The following CDK14 variants were observed in gnomAD, a reference collection of about 807,000 sequenced individuals.
CDK14 encodes the protein cyclin dependent kinase 14.
Under a neutral mutation model 60.7 loss-of-function variants are expected in CDK14, and 34 were observed. The observed-to-expected ratio is 0.56, with a 90% CI of 0.43 to 0.75. CDK14 has a LOEUF of 0.75. CDK14 is among the 30% of genes least tolerant of loss of function. The probability of loss-of-function intolerance (pLI) is 0.00; values close to 1 mark genes in which losing one functional copy is unlikely to be tolerated. For synonymous variants in CDK14, 197 were observed against 203.7 expected, an observed-to-expected ratio of 0.97 and a Z score of 0.28; for missense variants, 482 against 564.1, an observed-to-expected ratio of 0.85 and a Z score of 1.47.
intron 5 of CDK14, among the ~76,000 whole-genome samples, chr7:90,792,402 A>G (rs1469294298): frequency 6.6e-6 from 1 of 152,146 alleles, no homozygotes; most frequent in Non-Finnish European, 1.5e-5. Context: ...CTACATCACT[A>G]CCAACTGAGA....
intron 12 of CDK14, among the ~76,000 whole-genome samples, chr7:91,080,337 C>T (rs1042445785): frequency 6.6e-6 from 1 of 152,196 alleles, no homozygotes; most frequent in African/African-American, 2.4e-5. Flanking sequence ...TCCGTGCTCT[C>T]AGTGGATACA....
chr7:90,659,849 C>G (rs1230054775), intron 2 of CDK14, among the ~76,000 whole-genome samples: 1 of 145,010 alleles, frequency 6.9e-6, no homozygotes, highest in Non-Finnish European at 1.5e-5. Flanking sequence ...CTCTCTCTCT[C>G]TCTCTCTCTC....
At chr7:90,757,158 G>GCTTGC (rs1804096514) in intron 4 of CDK14, among the ~76,000 whole-genome samples, 2 of 150,876 alleles carry the variant, frequency 1.3e-5, no homozygotes, top group African/African-American at 2.4e-5. Flanking sequence ...GGCATTCCTG[G>GCTTGC]CTTGCAGGTG....
At position 91,183,185 on chromosome 7, in the gene CDK14, A is replaced by G. The variant is rs1802058776; in HGVS notation, c.*29-23980A>G. Among the ~76,000 whole-genome samples, 4 of 152,236 alleles carry G rather than the reference A, an allele frequency of 2.6e-5. No homozygotes were observed. In the South Asian group the frequency reaches 8.3e-4, roughly 31 times the overall value. On this transcript the variant is annotated intron_variant, in intron 14 of 14. Transcript: ENST00000380050. Reference sequence around the variant, plus strand: ...GTAATTTTGTTTTTGTTGGCTGAAAACTAAACCCAGGCTGGGGTGGTGCAC... The same window carrying G: ...GTAATTTTGTTTTTGTTGGCTGAAAGCTAAACCCAGGCTGGGGTGGTGCAC...
At chr7:90,779,240 G>A (rs947256499) in intron 4 of CDK14, among the ~76,000 whole-genome samples, 8 of 152,062 alleles carry the variant, frequency 5.3e-5, no homozygotes, top group African/African-American at 1.7e-4. Flanking sequence ...GCAACAGGGT[G>A]AGACTCCGTC....
chr7:90,788,155 G>A (rs767350863), intron 4 of CDK14, among the ~76,000 whole-genome samples: 2 of 152,144 alleles, frequency 1.3e-5, no homozygotes, highest in African/African-American at 4.8e-5. Flanking sequence ...GAAAAAGGTT[G>A]TGTGTGTGTT....
At chr7:90,669,731 T>G (rs1001395479) in intron 2 of CDK14, among the ~76,000 whole-genome samples, 2 of 152,142 alleles carry the variant, frequency 1.3e-5, no homozygotes, top group Non-Finnish European at 2.9e-5. Flanking sequence ...CTGAAATAGT[T>G]GTGACTGTTA....
chr7:91,056,806 CATT>C (rs983262390), intron 11 of CDK14, among the ~76,000 whole-genome samples: 18 of 152,296 alleles, frequency 1.2e-4, no homozygotes, highest in African/African-American at 4.1e-4. Flanking sequence ...TCCAGTCTAT[CATT>C]GTTGGACATT....
chr7:90,713,626 A>G (rs956937350), intron 2 of CDK14, among the ~76,000 whole-genome samples: 1 of 139,290 alleles, frequency 7.2e-6, no homozygotes, highest in African/African-American at 2.8e-5. Context: ...CTTTGGAAGT[A>G]CTTTTTTTTT....
intron 10 of CDK14, among the ~76,000 whole-genome samples, chr7:90,991,448 G>C (rs1018410787): frequency 1.3e-5 from 2 of 152,148 alleles, no homozygotes; most frequent in Admixed American, 6.6e-5. Context: ...AATCAGTACA[G>C]TGACACAAAT....
At chr7:91,059,283 A>T (rs1299031167) in intron 11 of CDK14, among the ~76,000 whole-genome samples, 1 of 150,936 alleles carries the variant, frequency 6.6e-6, no homozygotes, top group Non-Finnish European at 1.5e-5. Context: ...CATCTATTTG[A>T]TTCTTCTCTC....
At chr7:91,013,021 A>G (rs1042283687) in intron 10 of CDK14, among the ~76,000 whole-genome samples, 1 of 152,254 alleles carries the variant, frequency 6.6e-6, no homozygotes, top group Non-Finnish European at 1.5e-5. Flanking sequence ...ACCTTCTTCC[A>G]GCACTGCTGA....
chr7:91,100,697 T>C (rs1799126729), intron 12 of CDK14, among the ~76,000 whole-genome samples: 1 of 152,162 alleles, frequency 6.6e-6, no homozygotes, highest in Non-Finnish European at 1.5e-5. Flanking sequence ...TTTGAAGACA[T>C]CTCTTTTTCC....
Position 91,093,726 on chromosome 7 carries a change from C to T in CDK14, c.1154+14246C>T, listed in dbSNP as rs182951971. ...ATTACCAAAATGGCATATGCACTCA[C>T]ATGTTCATCGTAGCACTGTTCACAA... On this transcript the variant is annotated intron_variant, in intron 12 of 14. Coordinates refer to ENST00000380050, the MANE Select transcript of CDK14 (RefSeq NM_001287135.2). 4.3e-3 allele frequency among the ~76,000 whole-genome samples: 650 copies of T among 152,236 alleles called. 4 individuals are homozygous for T. The highest frequency in any genetic ancestry group is 0.015 in the African/African-American group (625 of 41,536).
chr7:91,190,861 T>C (rs1802340241), intron 14 of CDK14, among the ~76,000 whole-genome samples: 1 of 152,032 alleles, frequency 6.6e-6, no homozygotes, highest in Non-Finnish European at 1.5e-5. Context: ...GGGACACAAA[T>C]GGGAGACTTG....
At chr7:91,000,766 T>A (rs1795814634) in intron 10 of CDK14, among the ~76,000 whole-genome samples, 1 of 152,232 alleles carries the variant, frequency 6.6e-6, no homozygotes, top group Admixed American at 6.5e-5. Context: ...TCACATTTAA[T>A]GACATTCTCA....
intron 2 of CDK14, among the ~76,000 whole-genome samples, chr7:90,622,198 G>A (rs1304413596): frequency 6.6e-6 from 1 of 152,200 alleles, no homozygotes; most frequent in Admixed American, 6.5e-5. Context: ...TAAGGAGTTG[G>A]AGTCTTTCTT....
intron 2 of CDK14, among the ~76,000 whole-genome samples, chr7:90,633,853 C>A (rs1469969742): frequency 6.6e-6 from 1 of 152,054 alleles, no homozygotes; most frequent in Non-Finnish European, 1.5e-5. Context: ...ACAAACTATT[C>A]TAGGCACCCA....
At chr7:90,750,566 A>G (rs1803797238) in intron 4 of CDK14, among the ~76,000 whole-genome samples, 1 of 152,224 alleles carries the variant, frequency 6.6e-6, no homozygotes, top group South Asian at 2.1e-4. Context: ...TGAAAAGCTC[A>G]CTTAAGGAAT....
Sources: allele counts gnomAD v4.1 joint callset (sites outside exome capture counted in the v4.1 genomes callset), GRCh38; gene constraint gnomAD v4.1.1; transcripts MANE v1.5; gene names NCBI Gene and HGNC (gene_info 2026-07-23, HGNC 2026-07-21).